Variants in GRIK2 observed in about 807,000 individuals in gnomAD.
GRIK2 encodes the protein glutamate ionotropic receptor kainate type subunit 2, also known as glutamate receptor ionotropic, kainate 2.
In GRIK2, 32 loss-of-function variants were observed where a neutral mutation model predicts 100.3. The observed-to-expected ratio is 0.32, with a 90% CI of 0.24 to 0.43. The LOEUF is 0.43. GRIK2 is among the 20% of genes least tolerant of loss of function. The probability of loss-of-function intolerance (pLI) is 1.00; values close to 1 mark genes in which losing one functional copy is unlikely to be tolerated. For missense variants in GRIK2, 843 were observed against 1,114.9 expected (o/e 0.76, Z 3.47); for synonymous variants, 417 against 389.4 (o/e 1.07, Z -0.83).
intron 12 of GRIK2, chr6:101,890,432 C>A (rs1786973780): frequency 6.6e-6 from 1 of 152,016 alleles, no homozygotes; most frequent in Admixed American, 6.6e-5. Context: ...GTCATAGGAT[C>A]AGAAGATAAA....
chr6:101,943,972 A>G (rs1305173150), intron 14 of GRIK2, among the ~76,000 whole-genome samples: 1 of 152,116 alleles, frequency 6.6e-6, no homozygotes, highest in Non-Finnish European at 1.5e-5. Flanking sequence ...AATCTCATGT[A>G]GAGTTGTAAT....
At chr6:101,731,686 A>T (rs969004326) in intron 7 of GRIK2, among the ~76,000 whole-genome samples, 1 of 152,038 alleles carries the variant, frequency 6.6e-6, no homozygotes. Context: ...GTTGTAATCT[A>T]TTCAAAAAAG....
At chr6:101,475,719 G>C (rs187303676) in intron 2 of GRIK2, among the ~76,000 whole-genome samples, 1 of 151,700 alleles carries the variant, frequency 6.6e-6, no homozygotes, top group Non-Finnish European at 1.5e-5. Flanking sequence ...AGTACTATTG[G>C]GTAGCATACG....
chr6:101,553,113 T>G (rs1776587428), intron 2 of GRIK2, among the ~76,000 whole-genome samples: 1 of 152,170 alleles, frequency 6.6e-6, no homozygotes. Context: ...GAAGCTCACA[T>G]TTTTAGAAAG....
chr6:101,808,387 T>C (rs1462955064), intron 9 of GRIK2, among the ~76,000 whole-genome samples: 2 of 152,010 alleles, frequency 1.3e-5, no homozygotes, highest in African/African-American at 4.8e-5. Flanking sequence ...AATAATAAAA[T>C]CCCTGAATCT....
At chr6:101,912,161 T>C (rs1788758799) in intron 12 of GRIK2, among the ~76,000 whole-genome samples, 1 of 151,106 alleles carries the variant, frequency 6.6e-6, no homozygotes, top group South Asian at 2.1e-4. Flanking sequence ...ATATAATCTG[T>C]TGTATCAAGA....
At chr6:101,851,939 C>T (rs1784152481) in intron 10 of GRIK2, among the ~76,000 whole-genome samples, 2 of 132,834 alleles carry the variant, frequency 1.5e-5, no homozygotes. Flanking sequence ...GAGTTGTATA[C>T]TGGCTGTTGA....
Position 101,439,127 on chromosome 6 carries a change from C to A in GRIK2, c.115+39735C>A, listed in dbSNP as rs115711094. Among the ~76,000 whole-genome samples, 669 of 152,212 alleles carry A rather than the reference C, an allele frequency of 4.4e-3. 17 individuals carry two copies. Among genetic ancestry groups the A allele is most frequent in the Admixed American group, 0.032 (492 of 15,270 alleles). ...AAGCTCAGTGACCATCTGTCTGGTG[C>A]GCTGAGTATTCTAAATCCTAAAAGT... On this transcript the variant is annotated intron_variant, in intron 2 of 16. Coordinates refer to ENST00000369134, the MANE Select transcript of GRIK2 (RefSeq NM_021956.5).
intron 7 of GRIK2, among the ~76,000 whole-genome samples, chr6:101,768,748 C>T (rs1038161658): frequency 1.3e-5 from 2 of 152,058 alleles, no homozygotes; most frequent in African/African-American, 4.8e-5. Flanking sequence ...ATTTAATAGC[C>T]TGGGTTTAGA....
At chr6:101,804,901 A>G (rs910969965) in intron 9 of GRIK2, among the ~76,000 whole-genome samples, 3 of 152,008 alleles carry the variant, frequency 2.0e-5, no homozygotes, top group African/African-American at 7.2e-5. Context: ...AGAAGGAACA[A>G]AATGCTGCTA....
At chr6:102,065,920 C>T (rs570144363) in intron 16 of GRIK2, 1 of 1,401,662 alleles carries the variant, frequency 7.1e-7, no homozygotes. Context: ...TTAATAAGTA[C>T]ATCTAATAGT....
At chr6:102,051,970 G>A (rs565266072) in intron 15 of GRIK2, among the ~76,000 whole-genome samples, 2 of 152,152 alleles carry the variant, frequency 1.3e-5, no homozygotes, top group African/African-American at 4.8e-5. Context: ...ACAGATTCAT[G>A]TGGGAGTTTG....
intron 7 of GRIK2, among the ~76,000 whole-genome samples, chr6:101,694,112 G>GA (rs1388075750): frequency 1.6e-4 from 25 of 152,176 alleles, no homozygotes; most frequent in Admixed American, 1.6e-3. Flanking sequence ...TGAGATTTAA[G>GA]ACTCCACATC....
chr6:102,016,479 T>C (rs1412698785), intron 14 of GRIK2, among the ~76,000 whole-genome samples: 2 of 151,650 alleles, frequency 1.3e-5, no homozygotes, highest in African/African-American at 2.4e-5. Flanking sequence ...TGTATACATA[T>C]GTAACTAACC....
chr6:101,527,406 A>G (rs989807911), intron 2 of GRIK2, among the ~76,000 whole-genome samples: 16 of 152,202 alleles, frequency 1.1e-4, no homozygotes, highest in African/African-American at 3.6e-4. Flanking sequence ...AGGAGGTTTC[A>G]GGATCCCCCA....
chr6:101,550,925 G>T (rs2128292426), intron 2 of GRIK2, among the ~76,000 whole-genome samples: 1 of 152,226 alleles, frequency 6.6e-6, no homozygotes, highest in Middle Eastern at 3.4e-3. Context: ...TAATTTGGAA[G>T]CCATTTGGCA....
intron 16 of GRIK2, chr6:102,065,670 T>C: frequency 1.9e-6 from 1 of 536,804 alleles, no homozygotes; most frequent in Admixed American, 3.8e-5. Context: ...AATTTATTGG[T>C]TTTAAATGAA....
chr6:101,968,731 C>T (rs1471604257), intron 14 of GRIK2, among the ~76,000 whole-genome samples: 1 of 149,860 alleles, frequency 6.7e-6, no homozygotes, highest in East Asian at 2.0e-4. Context: ...CACTTTCATC[C>T]ACCCATCAAA....
chr6:101,893,745 T>G (rs1787256462), intron 12 of GRIK2, among the ~76,000 whole-genome samples: 1 of 151,738 alleles, frequency 6.6e-6, no homozygotes, highest in Admixed American at 6.6e-5. Flanking sequence ...ATTCATTTAT[T>G]TATTCAACAA....
Sources: gnomAD v4.1 joint callset for allele counts (sites outside exome capture counted in the v4.1 genomes callset) on GRCh38, gnomAD v4.1.1 for gene constraint, MANE v1.5 for transcripts, NCBI Gene and HGNC (gene_info 2026-07-23, HGNC 2026-07-21) for gene names.